PTPN4: variants seen among roughly 807,000 people sequenced by gnomAD.
The protein encoded by PTPN4 is protein tyrosine phosphatase non-receptor type 4, also known as tyrosine-protein phosphatase non-receptor type 4.
A neutral mutation model predicts 135.5 loss-of-function variants in PTPN4; 49 were observed. The observed-to-expected ratio is 0.36, with a 90% CI of 0.29 to 0.46. The LOEUF (loss-of-function observed/expected upper bound fraction) is 0.46, where lower values mean the gene tolerates loss of function less well. Ranked by LOEUF, PTPN4 falls within the 20% of genes least tolerant of loss-of-function variation. PTPN4 has a pLI of 1.00. For missense variants in PTPN4, 860 were observed against 1,101.0 expected (o/e 0.78, Z 3.10); for synonymous variants, 333 against 369.9 (o/e 0.90, Z 1.14).
At chr2:119,764,687 T>A (rs980359545) in intron 1 of PTPN4, among the ~76,000 whole-genome samples, 4 of 152,106 alleles carry the variant, frequency 2.6e-5, no homozygotes, top group African/African-American at 9.7e-5. Context: ...TTTCCTTAAT[T>A]TTCTTAGGTT....
rs1574329219 is a variant in PTPN4 at position 119,779,610 on chromosome 2, C to T, written c.-18+19226C>T. 6.1e-5 allele frequency among the ~76,000 whole-genome samples: 9 copies of T among 147,148 alleles called. No homozygotes were observed. In the South Asian group the frequency reaches 1.9e-3, roughly 32 times the overall value. On this transcript the variant is annotated intron_variant, in intron 1 of 26. Transcript: ENST00000263708. The stretch of plus-strand genomic sequence containing the variant: ...CCAGCCTGGGCAACAGAGCGAGACT[C>T]CGTCTCAAAAAAAAAAAAAAAAAAG...
rs181215748 is a variant in PTPN4, at chr2:119,770,363, A to G, written c.-18+9979A>G. On this transcript the variant is annotated intron_variant, in intron 1 of 26. Transcript: ENST00000263708. The stretch of plus-strand genomic sequence containing the variant: ...GACTTGTCATTTTAAAATTGTATTT[A>G]AATTGTATTTTCGTATTTGAATTGG... 3.2e-3 allele frequency among the ~76,000 whole-genome samples: 492 copies of G among 152,330 alleles called. 2 individuals carry two copies. The highest frequency in any genetic ancestry group is 0.011 in the African/African-American group (465 of 41,580).
In PTPN4 at chr2:119,879,025, A is replaced by G. The variant is rs1330723218; in HGVS notation, c.368+1483A>G. On this transcript the variant is annotated intron_variant, in intron 5 of 26. Transcript: ENST00000263708. ...GGAGAATGGCATGAACCCGGGAGGCAGAGCTGGCAGTGAGCCGAGATCACG... is the reference window on the plus strand; with the variant it reads ...GGAGAATGGCATGAACCCGGGAGGCGGAGCTGGCAGTGAGCCGAGATCACG... Among the ~76,000 whole-genome samples, 9 of 151,150 alleles carry G rather than the reference A, an allele frequency of 6.0e-5. No homozygotes were observed. In the South Asian group the frequency reaches 6.3e-4, roughly 11 times the overall value.
At chr2:119,916,849 C>G (rs559197194) in intron 11 of PTPN4, among the ~76,000 whole-genome samples, 10 of 152,270 alleles carry the variant, frequency 6.6e-5, no homozygotes, top group African/African-American at 2.4e-4. Flanking sequence ...TTAGTTCGTT[C>G]CATTTATGTA....
At chr2:119,873,178 T>TG (rs1677938202) in intron 3 of PTPN4, among the ~76,000 whole-genome samples, 3 of 151,858 alleles carry the variant, frequency 2.0e-5, no homozygotes, top group Admixed American at 6.6e-5. Context: ...GGTTTTTTTT[T>TG]TTTGTTGTTG....
At chr2:119,895,473 C>G (rs1678307716) in intron 9 of PTPN4, among the ~76,000 whole-genome samples, 1 of 152,174 alleles carries the variant, frequency 6.6e-6, no homozygotes, top group African/African-American at 2.4e-5. Context: ...AACCCCGTCT[C>G]TACTAAAAGT....
At chr2:119,866,176 C>A (rs1013233354) in intron 3 of PTPN4, among the ~76,000 whole-genome samples, 3 of 151,992 alleles carry the variant, frequency 2.0e-5, no homozygotes, top group African/African-American at 7.2e-5. Context: ...TCAAAGGTGG[C>A]TTTTTCTTAG....
At chr2:119,803,311 T>C (rs113521196) in intron 1 of PTPN4, among the ~76,000 whole-genome samples, 1 of 152,292 alleles carries the variant, frequency 6.6e-6, no homozygotes, top group African/African-American at 2.4e-5. Flanking sequence ...TGTATGCATA[T>C]ATTGCTGTAG....
intron 24 of PTPN4, among the ~76,000 whole-genome samples, chr2:119,963,858 T>G (rs940932523): frequency 8.5e-5 from 13 of 152,190 alleles, no homozygotes; most frequent in African/African-American, 3.1e-4. Flanking sequence ...ATGTCTATCT[T>G]TAGCATAGTC....
chr2:119,903,935 C>A (rs945207623), intron 10 of PTPN4, among the ~76,000 whole-genome samples: 1 of 152,168 alleles, frequency 6.6e-6, no homozygotes, highest in Non-Finnish European at 1.5e-5. Context: ...AATGTGAAGA[C>A]TATGCTACTG....
At chr2:119,835,059 C>T (rs1677271767) in intron 2 of PTPN4, among the ~76,000 whole-genome samples, 1 of 152,132 alleles carries the variant, frequency 6.6e-6, no homozygotes, top group African/African-American at 2.4e-5. Flanking sequence ...GTTTGGTTTC[C>T]CTTCTTCCTG....
At chr2:119,940,241 C>G (rs1162608235) in intron 15 of PTPN4, among the ~76,000 whole-genome samples, 1 of 152,100 alleles carries the variant, frequency 6.6e-6, no homozygotes, top group Non-Finnish European at 1.5e-5. Context: ...AATTGGTAAT[C>G]AACCTGAAGT....
intron 12 of PTPN4, among the ~76,000 whole-genome samples, chr2:119,923,747 C>G (rs563933477): frequency 8.0e-4 from 122 of 152,076 alleles, no homozygotes; most frequent in African/African-American, 2.7e-3. Context: ...TAAATCCTCT[C>G]TATATAGAAA....
chr2:119,799,961 T>G (rs1250041593), intron 1 of PTPN4, among the ~76,000 whole-genome samples: 1 of 152,212 alleles, frequency 6.6e-6, no homozygotes, highest in African/African-American at 2.4e-5. Context: ...TTATACAGAT[T>G]TTTCTTCATT....
At chr2:119,777,335 C>T (rs1558722303) in intron 1 of PTPN4, among the ~76,000 whole-genome samples, 1 of 152,190 alleles carries the variant, frequency 6.6e-6, no homozygotes, top group South Asian at 2.1e-4. Flanking sequence ...TTCCTGAGCA[C>T]CCTATTTAAA....
At chr2:119,959,951 C>A (rs963640391) in intron 22 of PTPN4, among the ~76,000 whole-genome samples, 10 of 152,040 alleles carry the variant, frequency 6.6e-5, no homozygotes, top group African/African-American at 2.4e-4. Flanking sequence ...ACTCATCAAA[C>A]ATCATCTTGA....
chr2:119,783,968 T>C (rs1208369459), intron 1 of PTPN4, among the ~76,000 whole-genome samples: 1 of 152,128 alleles, frequency 6.6e-6, no homozygotes, highest in East Asian at 1.9e-4. Flanking sequence ...CGCAGATTGC[T>C]TATTCATATG....
Position 119,938,991 on chromosome 2 carries a change from C to T in PTPN4, c.1355+4033C>T, listed in dbSNP as rs1297931141. ...GGTTTAAAACGTGGTTCCACTACTT[C>T]TAATTAGGTGACCTTTGGTGAGTTA... On this transcript the variant is annotated intron_variant, in intron 15 of 26. Transcript: ENST00000263708. Among the ~76,000 whole-genome samples, 3 of 152,326 alleles carry T rather than the reference C, an allele frequency of 2.0e-5. No homozygotes were observed. In the East Asian group the frequency reaches 5.8e-4, roughly 29 times the overall value.
intron 1 of PTPN4, among the ~76,000 whole-genome samples, chr2:119,779,616 CAAA>C (rs547628386): frequency 1.0e-4 from 6 of 60,138 alleles, no homozygotes; most frequent in African/African-American, 2.6e-4. Flanking sequence ...GACTCCGTCT[CAAA>C]AAAAAAAAAA....
Sources: gnomAD v4.1 joint callset for allele counts (sites outside exome capture counted in the v4.1 genomes callset) on GRCh38, gnomAD v4.1.1 for gene constraint, MANE v1.5 for transcripts, NCBI Gene and HGNC (gene_info 2026-07-23, HGNC 2026-07-21) for gene names.